JAK1: variants seen among roughly 807,000 people sequenced by gnomAD.
The protein encoded by JAK1 is Janus kinase 1, also known as tyrosine-protein kinase JAK1.
JAK1 carries 16 observed loss-of-function variants against 136.6 expected under a neutral mutation model. The observed-to-expected ratio is 0.12, with a 90% confidence interval of 0.08 to 0.18. JAK1 has a LOEUF of 0.18. Ranked by LOEUF, JAK1 falls within the 10% of genes least tolerant of loss-of-function variation. JAK1 has a pLI of 1.00. For missense variants in JAK1, 859 were observed against 1,450.1 expected, an observed-to-expected ratio of 0.59 and a Z score of 6.62; for synonymous variants, 492 against 519.5, an observed-to-expected ratio of 0.95 and a Z score of 0.72.
chr1:64,842,372 T>C (rs1201665544), intron 17 of JAK1, among the ~76,000 whole-genome samples: 1 of 150,264 alleles, frequency 6.7e-6, no homozygotes, highest in Non-Finnish European at 1.5e-5. Flanking sequence ...TTTTGGAAGA[T>C]GAAGTGAAAC....
At chr1:64,915,186 C>G (rs1401004285) in intron 1 of JAK1, among the ~76,000 whole-genome samples, 1 of 152,074 alleles carries the variant, frequency 6.6e-6, no homozygotes, top group East Asian at 1.9e-4. Flanking sequence ...TTCTGAAACT[C>G]CACTAAAATA....
chr1:64,849,907 C>T (rs1253167933), intron 12 of JAK1, among the ~76,000 whole-genome samples: 1 of 152,138 alleles, frequency 6.6e-6, no homozygotes, highest in African/African-American at 2.4e-5. Flanking sequence ...AAATGTACCA[C>T]GAGGGAAGTG....
chr1:65,016,621 G>A (rs1387695902), intron 2 of JAK1, among the ~76,000 whole-genome samples: 1 of 151,724 alleles, frequency 6.6e-6, no homozygotes, highest in Non-Finnish European at 1.5e-5. Flanking sequence ...TAAATAGGCT[G>A]GGTGCAGTGG....
At chr1:64,841,692 C>T (rs1401586528) in intron 17 of JAK1, 91 bp from the exon 18 acceptor site, 14 of 1,261,120 alleles carry the variant, frequency 1.1e-5, no homozygotes, top group South Asian at 6.2e-5. Flanking sequence ...ATTCCTCATT[C>T]GATTCTCAAC....
intron 2 of JAK1, chr1:64,985,621 G>A: frequency 1.2e-6 from 1 of 831,344 alleles, no homozygotes; most frequent in South Asian, 1.6e-5. Flanking sequence ...ATGCCCAGCT[G>A]GTTGAGAGTG....
intron 1 of JAK1, among the ~76,000 whole-genome samples, chr1:64,916,536 G>A (rs972351189): frequency 3.9e-5 from 6 of 152,134 alleles, no homozygotes; most frequent in Non-Finnish European, 8.8e-5. Context: ...AAAAAGGTTG[G>A]AAGATAATGT....
intron 1 of JAK1, among the ~76,000 whole-genome samples, chr1:64,904,170 C>T (rs1387085898): frequency 1.3e-5 from 2 of 152,136 alleles, no homozygotes; most frequent in Non-Finnish European, 1.5e-5. Flanking sequence ...ATTGATTTAA[C>T]GAATCAGAAC....
At chr1:64,920,237 CTG>C (rs1444078258) in intron 1 of JAK1, among the ~76,000 whole-genome samples, 1 of 152,158 alleles carries the variant, frequency 6.6e-6, no homozygotes, top group African/African-American at 2.4e-5. Flanking sequence ...ACAAAATGAA[CTG>C]TAATTTAAAT....
intron 8 of JAK1, among the ~76,000 whole-genome samples, chr1:64,860,824 C>CTGTGTGTGTGTGTGTG (rs1557642147): frequency 1.7e-5 from 2 of 114,374 alleles, no homozygotes; most frequent in African/African-American, 7.9e-5. Context: ...TATCAGATGA[C>CTGTGTGTGTGTGTGTG]TCTGTGTGTG....
intron 1 of JAK1, among the ~76,000 whole-genome samples, chr1:65,065,865 A>C (rs1251676141): frequency 6.6e-6 from 1 of 151,642 alleles, no homozygotes; most frequent in Non-Finnish European, 1.5e-5. Flanking sequence ...CGCACTGGCC[A>C]AAGGGGGTCA....
chr1:64,999,046 T>C (rs183735672), intron 2 of JAK1, among the ~76,000 whole-genome samples: 15 of 152,256 alleles, frequency 9.9e-5, no homozygotes, highest in Non-Finnish European at 7.3e-5. Flanking sequence ...ATTTGGGATA[T>C]TTCCCTTGTA....
intron 1 of JAK1, among the ~76,000 whole-genome samples, chr1:64,907,468 T>C (rs1557681473): frequency 2.6e-5 from 4 of 152,054 alleles, no homozygotes; most frequent in African/African-American, 7.2e-5. Context: ...TGAGCCCAGG[T>C]TCAATAAGAC....
intron 1 of JAK1, among the ~76,000 whole-genome samples, chr1:64,960,304 C>T (rs1646259524): frequency 6.6e-6 from 1 of 152,206 alleles, no homozygotes; most frequent in African/African-American, 2.4e-5. Context: ...TAAGCATAGT[C>T]ATTCAACCCT....
chr1:64,863,175 T>C (rs575654201), intron 8 of JAK1, among the ~76,000 whole-genome samples: 8 of 150,422 alleles, frequency 5.3e-5, no homozygotes, highest in Non-Finnish European at 8.9e-5. Flanking sequence ...GGATGCAGCA[T>C]ATGACACGGG....
chr1:64,894,648 G>T (rs1644987550), intron 1 of JAK1, among the ~76,000 whole-genome samples: 1 of 151,996 alleles, frequency 6.6e-6, no homozygotes, highest in South Asian at 2.1e-4. Flanking sequence ...GTGGTGGTGG[G>T]TGCCTGTAAT....
chr1:64,976,107 C>A (rs1646495761), intron 2 of JAK1, among the ~76,000 whole-genome samples: 1 of 152,188 alleles, frequency 6.6e-6, no homozygotes, highest in East Asian at 1.9e-4. Flanking sequence ...ACTTTGACCC[C>A]TTTGATCCTA....
chr1:64,997,325 G>A (rs79342864), intron 2 of JAK1, among the ~76,000 whole-genome samples: 3,418 of 152,216 alleles, frequency 0.022, 116 homozygotes, highest in African/African-American at 0.078. Context: ...ACAAGACATA[G>A]AATATAAAAT....
rs982536866 is a variant in JAK1, at chr1:64,861,892, T to A, written c.1177-1630A>T. 3.3e-5 allele frequency among the ~76,000 whole-genome samples: 5 copies of A among 151,904 alleles called. No homozygotes were observed. In the East Asian group the frequency reaches 9.6e-4, roughly 29 times the overall value. ...ATATCCCTGAAGAGCAAATTCAAGA[T>A]GCTCTGAACAAGGGGCAGGCTGGCC... On this transcript the variant is annotated intron_variant, in intron 8 of 24. Transcript: ENST00000342505.
chr1:64,991,011 T>C (rs1646652258), intron 2 of JAK1, among the ~76,000 whole-genome samples: 1 of 148,710 alleles, frequency 6.7e-6, no homozygotes, highest in Non-Finnish European at 1.5e-5. Flanking sequence ...ATTGAACTTA[T>C]TAGACAAAAA....
Sources: allele counts gnomAD v4.1 joint callset (sites outside exome capture counted in the v4.1 genomes callset), GRCh38; gene constraint gnomAD v4.1.1; transcripts MANE v1.5; gene names NCBI Gene and HGNC (gene_info 2026-07-23, HGNC 2026-07-21).